RAB2A: variants seen among roughly 807,000 people sequenced by gnomAD.
RAB2A encodes the protein ras-related protein Rab-2A.
In RAB2A, 7 loss-of-function variants were observed where a neutral mutation model predicts 32.5. The observed-to-expected ratio is 0.22, with a 90% CI of 0.12 to 0.40. The LOEUF is 0.40. Among genes scored for constraint, RAB2A ranks in the 10% least tolerant of loss-of-function variants. The pLI is 1.00. For synonymous variants in RAB2A, 79 were observed against 85.2 expected (o/e 0.93, Z 0.40); for missense variants, 108 against 260.7 (o/e 0.41, Z 4.03).
chr8:60,518,226 A>G (rs1182370514), intron 1 of RAB2A, among the ~76,000 whole-genome samples: 8 of 152,238 alleles, frequency 5.3e-5, no homozygotes. Context: ...GATTGTTTAG[A>G]TGTTGCAACT....
At chr8:60,607,087 TA>T (rs1419153367) in intron 6 of RAB2A, among the ~76,000 whole-genome samples, 1 of 151,840 alleles carries the variant, frequency 6.6e-6, no homozygotes, top group Non-Finnish European at 1.5e-5. Context: ...GAATGCCTCA[TA>T]AGACTTTTCT....
At chr8:60,555,992 T>G (rs926333412) in intron 1 of RAB2A, among the ~76,000 whole-genome samples, 6 of 152,106 alleles carry the variant, frequency 3.9e-5, no homozygotes, top group Admixed American at 1.3e-4. Context: ...ATAATGAAAA[T>G]GTGGTAAATA....
chr8:60,607,450 G>C (rs1175756718), intron 6 of RAB2A, among the ~76,000 whole-genome samples: 2 of 128,598 alleles, frequency 1.6e-5, no homozygotes, highest in African/African-American at 7.4e-5. Flanking sequence ...AAAAAAAAAA[G>C]GTTTTTGTAG....
chr8:60,547,285 C>G (rs924848205), intron 1 of RAB2A, among the ~76,000 whole-genome samples: 7 of 152,200 alleles, frequency 4.6e-5, no homozygotes, highest in African/African-American at 1.7e-4. Context: ...AAAAGTCTCC[C>G]CTGTCTACCT....
intron 6 of RAB2A, among the ~76,000 whole-genome samples, chr8:60,593,288 C>T (rs10109278): frequency 0.24 from 36,062 of 152,116 alleles, 4,330 homozygotes; most frequent in Middle Eastern, 0.39. Flanking sequence ...TACACACTTC[C>T]CTTAGTAGAC....
intron 5 of RAB2A, among the ~76,000 whole-genome samples, chr8:60,589,313 G>T (rs1359763399): frequency 6.6e-6 from 1 of 152,172 alleles, no homozygotes; most frequent in Non-Finnish European, 1.5e-5. Context: ...GATCGTAGGT[G>T]GGTGACCTTT....
In RAB2A at chr8:60,524,641, A is replaced by C. The variant is rs562306204; in HGVS notation, c.46+7388A>C. ...AATGCACACATAGTAGCCCCCTTTTAATTTCTGCAGTGTTTCTTAACTCAA... is the reference window on the plus strand; with the variant it reads ...AATGCACACATAGTAGCCCCCTTTTCATTTCTGCAGTGTTTCTTAACTCAA... On this transcript the variant is annotated intron_variant, in intron 1 of 7. Coordinates refer to ENST00000262646, the MANE Select transcript of RAB2A (RefSeq NM_002865.3). 1.3e-3 allele frequency among the ~76,000 whole-genome samples: 192 copies of C among 152,306 alleles called. 1 individual carries two copies. Among genetic ancestry groups the C allele is most frequent in the African/African-American group, 4.4e-3 (185 of 41,580 alleles).
intron 6 of RAB2A, among the ~76,000 whole-genome samples, chr8:60,595,033 G>C (rs1433423017): frequency 6.6e-6 from 1 of 152,058 alleles, no homozygotes; most frequent in Middle Eastern, 3.2e-3. Context: ...TAGCAATGAA[G>C]GTGCAATCAA....
intron 6 of RAB2A, among the ~76,000 whole-genome samples, chr8:60,612,185 G>A (rs1804362681): frequency 6.6e-6 from 1 of 152,026 alleles, no homozygotes; most frequent in Admixed American, 6.6e-5. Context: ...GTGTCCATGT[G>A]TTCTTATTGT....
chr8:60,573,372 C>A (rs1808224308), intron 3 of RAB2A, among the ~76,000 whole-genome samples: 1 of 152,174 alleles, frequency 6.6e-6, no homozygotes, highest in South Asian at 2.1e-4. Flanking sequence ...AAAGAAGGAA[C>A]CTTAGAGAAC....
At chr8:60,561,970 C>T (rs993372226) in intron 2 of RAB2A, among the ~76,000 whole-genome samples, 7 of 152,178 alleles carry the variant, frequency 4.6e-5, no homozygotes, top group Non-Finnish European at 7.3e-5. Flanking sequence ...GTCTGCCTCT[C>T]TTGCTTTCTC....
At position 60,539,888 on chromosome 8, in the gene RAB2A, G is replaced by C. The variant is rs570179060; in HGVS notation, c.47-18964G>C. Among the ~76,000 whole-genome samples, 24 of 152,168 alleles carry C rather than the reference G, an allele frequency of 1.6e-4. 1 individual carries two copies. In the South Asian group the frequency reaches 4.6e-3, roughly 29 times the overall value. On this transcript the variant is annotated intron_variant, in intron 1 of 7. Coordinates refer to ENST00000262646, the MANE Select transcript of RAB2A (RefSeq NM_002865.3). ...AAGTTCCACACCTTGTACTGTCCTT[G>C]ATATGAACGGTCCAGTTTAACTTTA...
intron 5 of RAB2A, among the ~76,000 whole-genome samples, chr8:60,586,443 A>G (rs1803849448): frequency 6.6e-6 from 1 of 152,160 alleles, no homozygotes. Flanking sequence ...AGAAGATAAA[A>G]TAAAATAGAT....
intron 6 of RAB2A, among the ~76,000 whole-genome samples, chr8:60,594,318 G>A (rs1272655810): frequency 2.0e-5 from 3 of 151,966 alleles, no homozygotes; most frequent in East Asian, 1.9e-4. Flanking sequence ...ACATGATGAC[G>A]AACCTCTGTA....
intron 1 of RAB2A, among the ~76,000 whole-genome samples, chr8:60,557,665 A>C (rs1807959242): frequency 6.6e-6 from 1 of 152,098 alleles, no homozygotes; most frequent in African/African-American, 2.4e-5. Context: ...TCCTGGGTTC[A>C]GACTATCCTC....
intron 3 of RAB2A, among the ~76,000 whole-genome samples, chr8:60,579,717 T>TC (rs1803707620): frequency 6.6e-6 from 1 of 151,928 alleles, no homozygotes; most frequent in African/African-American, 2.4e-5. Context: ...AAGCTCCTCC[T>TC]CCCAGGTTCA....
intron 1 of RAB2A, among the ~76,000 whole-genome samples, chr8:60,531,415 G>A (rs573543769): frequency 6.6e-5 from 10 of 152,256 alleles, no homozygotes; most frequent in African/African-American, 2.4e-4. Context: ...AAAACCAATA[G>A]CAATGCCTGG....
intron 6 of RAB2A, among the ~76,000 whole-genome samples, chr8:60,612,922 A>T (rs1467624543): frequency 6.6e-6 from 1 of 152,144 alleles, no homozygotes; most frequent in African/African-American, 2.4e-5. Flanking sequence ...ATTGCCTTGA[A>T]ATACAGTTTA....
intron 2 of RAB2A, among the ~76,000 whole-genome samples, chr8:60,559,997 C>G (rs1317831503): frequency 1.3e-5 from 2 of 152,162 alleles, no homozygotes; most frequent in African/African-American, 2.4e-5. Context: ...TTAAGACTAT[C>G]CGTATTCTAT....
Sources: gnomAD v4.1 joint callset for allele counts (sites outside exome capture counted in the v4.1 genomes callset) on GRCh38, gnomAD v4.1.1 for gene constraint, MANE v1.5 for transcripts, NCBI Gene and HGNC (gene_info 2026-07-23, HGNC 2026-07-21) for gene names.